The following NLGN1 variants were observed in gnomAD, a reference collection of about 807,000 sequenced individuals.
NLGN1 encodes the protein neuroligin-1.
In NLGN1, 12 loss-of-function variants were observed where a neutral mutation model predicts 65.5. That is an observed-to-expected ratio of 0.18 (90% CI 0.12 to 0.30). The LOEUF (loss-of-function observed/expected upper bound fraction) is 0.30. Among genes scored for constraint, NLGN1 ranks in the 10% least tolerant of loss-of-function variants. The probability of loss-of-function intolerance (pLI) is 1.00; values close to 1 mark genes in which losing one functional copy is unlikely to be tolerated. For synonymous variants in NLGN1, 350 were observed against 359.5 expected (o/e 0.97, Z 0.30); for missense variants, 750 against 1,007.1 (o/e 0.74, Z 3.46).
At chr3:174,177,240 A>T (rs914434751) in intron 4 of NLGN1, among the ~76,000 whole-genome samples, 2 of 151,924 alleles carry the variant, frequency 1.3e-5, no homozygotes, top group Non-Finnish European at 2.9e-5. Flanking sequence ...GTAACCCATT[A>T]TTTTTCTCTA....
chr3:174,044,706 G>A (rs75093669), intron 4 of NLGN1, among the ~76,000 whole-genome samples: 9,765 of 152,048 alleles, frequency 0.064, 548 homozygotes, highest in African/African-American at 0.14. Context: ...TTCTTCTGAG[G>A]CCTCTGATAT....
chr3:174,103,271 T>C (rs1241244729), intron 4 of NLGN1, among the ~76,000 whole-genome samples: 1 of 152,210 alleles, frequency 6.6e-6, no homozygotes, highest in Admixed American at 6.5e-5. Flanking sequence ...GCAGTTTCCT[T>C]CAAAAAATTT....
intron 2 of NLGN1, among the ~76,000 whole-genome samples, chr3:173,492,961 C>T (rs189928050): frequency 2.0e-5 from 3 of 151,800 alleles, no homozygotes; most frequent in Admixed American, 1.3e-4. Context: ...TCGAGTCTAT[C>T]CTCTAGCTCC....
chr3:174,188,463 T>A (rs990909726), intron 4 of NLGN1, among the ~76,000 whole-genome samples: 1 of 152,000 alleles, frequency 6.6e-6, no homozygotes, highest in Non-Finnish European at 1.5e-5. Context: ...TCTTATTTAG[T>A]CCTCACAATA....
At chr3:173,767,433 C>A (rs559103804) in intron 3 of NLGN1, among the ~76,000 whole-genome samples, 1 of 151,924 alleles carries the variant, frequency 6.6e-6, no homozygotes, top group South Asian at 2.1e-4. Flanking sequence ...ATTGGCCAAA[C>A]TCTTGGAAAG....
intron 4 of NLGN1, among the ~76,000 whole-genome samples, chr3:173,881,161 C>T (rs141692316): frequency 2.2e-5 from 3 of 139,474 alleles, no homozygotes; most frequent in Admixed American, 7.9e-5. Flanking sequence ...TGCAGTGGTG[C>T]GATCTCAGCT....
At chr3:173,444,709 T>C (rs1643669684) in intron 2 of NLGN1, among the ~76,000 whole-genome samples, 1 of 152,142 alleles carries the variant, frequency 6.6e-6, no homozygotes, top group South Asian at 2.1e-4. Context: ...CACAACTATA[T>C]ATTGCAGTGT....
chr3:174,225,362 C>T (rs1046654630), intron 4 of NLGN1, among the ~76,000 whole-genome samples: 4 of 152,166 alleles, frequency 2.6e-5, no homozygotes, highest in African/African-American at 7.2e-5. Flanking sequence ...CAACCGGTAT[C>T]TGGTCCAGCC....
intron 2 of NLGN1, among the ~76,000 whole-genome samples, chr3:173,539,891 A>G (rs765181115): frequency 2.7e-4 from 40 of 146,394 alleles, no homozygotes; most frequent in Non-Finnish European, 4.5e-4. Context: ...TATATGTTAT[A>G]TATATGTTAT....
chr3:174,184,809 A>C (rs1475889534), intron 4 of NLGN1, among the ~76,000 whole-genome samples: 2 of 152,156 alleles, frequency 1.3e-5, no homozygotes, highest in African/African-American at 4.8e-5. Flanking sequence ...ATTGCTGTAT[A>C]GGATTCAGAG....
intron 2 of NLGN1, among the ~76,000 whole-genome samples, chr3:173,584,244 G>GA (rs78174265): frequency 1.9e-3 from 151 of 80,692 alleles, no homozygotes; most frequent in Non-Finnish European, 2.4e-3. Flanking sequence ...GGGGCAGAAA[G>GA]AAAAAAAAAA....
chr3:173,793,529 A>G (rs1044991179), intron 3 of NLGN1, among the ~76,000 whole-genome samples: 1 of 152,138 alleles, frequency 6.6e-6, no homozygotes, highest in Non-Finnish European at 1.5e-5. Context: ...TTGTATCTTT[A>G]TGAATATAAG....
At chr3:174,251,824 G>A (rs1206876255) in intron 4 of NLGN1, among the ~76,000 whole-genome samples, 1 of 152,062 alleles carries the variant, frequency 6.6e-6, no homozygotes, top group Non-Finnish European at 1.5e-5. Context: ...AGATTGCTTT[G>A]CCTGAAGAGT....
At chr3:173,701,453 C>T (rs1767149316) in intron 3 of NLGN1, among the ~76,000 whole-genome samples, 1 of 151,972 alleles carries the variant, frequency 6.6e-6, no homozygotes, top group Admixed American at 6.6e-5. Flanking sequence ...CATCTAGATG[C>T]CACAAATGAT....
intron 3 of NLGN1, among the ~76,000 whole-genome samples, chr3:173,803,569 CTG>C (rs1715949821): frequency 6.6e-6 from 1 of 152,152 alleles, no homozygotes; most frequent in Non-Finnish European, 1.5e-5. Flanking sequence ...GATTGCACCA[CTG>C]CACCCCAGCC....
chr3:173,984,050 T>C (rs1184699658), intron 4 of NLGN1, among the ~76,000 whole-genome samples: 1 of 152,198 alleles, frequency 6.6e-6, no homozygotes, highest in Non-Finnish European at 1.5e-5. Flanking sequence ...GACTAGCATA[T>C]GTTTCTCAAT....
At chr3:173,891,909 TTGA>T (rs1735412234) in intron 4 of NLGN1, among the ~76,000 whole-genome samples, 1 of 149,438 alleles carries the variant, frequency 6.7e-6, no homozygotes, top group Non-Finnish European at 1.5e-5. Context: ...TAATAAATAC[TTGA>T]TGAATGAATA....
intron 2 of NLGN1, among the ~76,000 whole-genome samples, chr3:173,593,192 G>C (rs1226912521): frequency 6.6e-6 from 1 of 151,956 alleles, no homozygotes; most frequent in African/African-American, 2.4e-5. Flanking sequence ...CTTACTTAAA[G>C]TCTATCTTCC....
chr3:174,124,556 T>C (rs1387677647), intron 4 of NLGN1, among the ~76,000 whole-genome samples: 1 of 147,608 alleles, frequency 6.8e-6, no homozygotes, highest in East Asian at 2.0e-4. Flanking sequence ...CTTATATATA[T>C]ACGTATATAT....
Sources: allele counts gnomAD v4.1 joint callset (sites outside exome capture counted in the v4.1 genomes callset), GRCh38; gene constraint gnomAD v4.1.1; transcripts MANE v1.5; gene names NCBI Gene and HGNC (gene_info 2026-07-23, HGNC 2026-07-21).